The following ICA1 variants were observed in gnomAD, a reference collection of about 807,000 sequenced individuals.
ICA1 encodes 69 kDa islet cell autoantigen.
A neutral mutation model predicts 71.0 loss-of-function variants in ICA1; 40 were observed. The ratio of observed to expected loss-of-function variants is 0.56; its 90% CI spans 0.44 to 0.73. ICA1 has a LOEUF of 0.73. Ranked by LOEUF, ICA1 falls within the 30% of genes least tolerant of loss-of-function variation. ICA1 has a pLI of 0.00. For synonymous variants in ICA1, 207 were observed against 209.5 expected (o/e 0.99, Z 0.10); for missense variants, 578 against 576.5 (o/e 1.00, Z -0.03).
intron 8 of ICA1, among the ~76,000 whole-genome samples, chr7:8,153,903 T>C (rs904153912): frequency 2.0e-5 from 3 of 149,662 alleles, no homozygotes; most frequent in Non-Finnish European, 4.4e-5. Context: ...TGTGTGAAAA[T>C]ACAAGATCAG....
intron 1 of ICA1, among the ~76,000 whole-genome samples, chr7:8,240,085 C>G (rs1270818837): frequency 1.3e-5 from 2 of 152,202 alleles, no homozygotes; most frequent in African/African-American, 4.8e-5. Context: ...GACAGACTGC[C>G]TCCTCAAGTA....
At chr7:8,202,935 A>G (rs985207212) in intron 6 of ICA1, among the ~76,000 whole-genome samples, 2 of 152,246 alleles carry the variant, frequency 1.3e-5, no homozygotes, top group African/African-American at 4.8e-5. Flanking sequence ...TTTAACATGC[A>G]TATCAGGACA....
chr7:8,139,194 G>A, intron 10 of ICA1, 147 bp from the exon 11 acceptor site: 1 of 610,394 alleles, frequency 1.6e-6, no homozygotes, highest in Non-Finnish European at 2.9e-6. Context: ...AGATTACACT[G>A]GACTCCTGCT....
intron 6 of ICA1, among the ~76,000 whole-genome samples, chr7:8,177,766 T>C (rs574338404): frequency 3.3e-5 from 5 of 152,310 alleles, no homozygotes; most frequent in South Asian, 2.1e-4. Context: ...GTGAACTGAA[T>C]TGCAGAAAGT....
At chr7:8,213,006 C>T (rs574517250) in intron 6 of ICA1, among the ~76,000 whole-genome samples, 1 of 152,270 alleles carries the variant, frequency 6.6e-6, no homozygotes, top group African/African-American at 2.4e-5. Flanking sequence ...GCTTTTCCTT[C>T]GGCATTCACA....
intron 8 of ICA1, among the ~76,000 whole-genome samples, chr7:8,154,862 T>C (rs1800943666): frequency 6.6e-6 from 1 of 152,168 alleles, no homozygotes; most frequent in African/African-American, 2.4e-5. Context: ...ATATGCAACA[T>C]ACTTATATCG....
Position 8,123,246 on chromosome 7 carries a change from G to T in ICA1, c.1330+4627C>A, listed in dbSNP as rs1313583058. Among the ~76,000 whole-genome samples the T allele has an allele frequency of 6.6e-6, 1 of 152,218 alleles. No individual in the cohort carries two copies. The highest frequency in any genetic ancestry group is 1.5e-5 in the Non-Finnish European group (1 of 68,040). The stretch of plus-strand genomic sequence containing the variant: ...AGTAGGGGGAAAAGAGGATATCATT[G>T]TTCTCCAAATCCCCCTTCCTCTCCA... On this transcript the variant is annotated intron_variant, in intron 13 of 13. Transcript: ENST00000402384. The surrounding 1 kb of genome is among the most constrained non-coding windows in gnomAD (Gnocchi z 4.1).
chr7:8,142,068 T>C, intron 9 of ICA1: 1 of 1,341,200 alleles, frequency 7.5e-7, no homozygotes, highest in Non-Finnish European at 1.0e-6. Flanking sequence ...AGATGGGCAG[T>C]TAGATATAAA....
At chr7:8,157,378 C>T in intron 7 of ICA1, 164 bp from the exon 8 acceptor site, 1 of 681,014 alleles carries the variant, frequency 1.5e-6, no homozygotes, top group Non-Finnish European at 2.3e-6. Flanking sequence ...GTATTTCAGC[C>T]AAACTAAATG....
intron 6 of ICA1, among the ~76,000 whole-genome samples, chr7:8,161,628 C>G (rs1803843942): frequency 6.6e-6 from 1 of 152,206 alleles, no homozygotes; most frequent in African/African-American, 2.4e-5. Flanking sequence ...GGCTGACCAG[C>G]TGGAGGGGGG....
intron 13 of ICA1, chr7:8,116,336 A>AGTCGCTCTC (rs1784790462): frequency 1.3e-5 from 2 of 152,270 alleles, no homozygotes; most frequent in East Asian, 3.9e-4. Flanking sequence ...TAATATTCAA[A>AGTCGCTCTC]ACCAGAGCAT....
intron 6 of ICA1, among the ~76,000 whole-genome samples, chr7:8,214,096 C>A (rs1020769777): frequency 5.3e-5 from 8 of 152,162 alleles, no homozygotes; most frequent in Non-Finnish European, 1.0e-4. Context: ...CCTATAAATG[C>A]CCACGTATAC....
chr7:8,159,151 G>T (rs1802771224), intron 6 of ICA1, among the ~76,000 whole-genome samples: 1 of 152,172 alleles, frequency 6.6e-6, no homozygotes, highest in Non-Finnish European at 1.5e-5. Context: ...GATTTCACCA[G>T]TTTTCCCACT....
chr7:8,166,572 C>G (rs963123904), intron 6 of ICA1, among the ~76,000 whole-genome samples: 37 of 152,212 alleles, frequency 2.4e-4, no homozygotes, highest in African/African-American at 8.7e-4. Context: ...CCATTCTGGA[C>G]TAGGACCTAA....
At chr7:8,209,690 C>A (rs1266165005) in intron 6 of ICA1, among the ~76,000 whole-genome samples, 2 of 152,084 alleles carry the variant, frequency 1.3e-5, no homozygotes, top group Admixed American at 6.5e-5. Context: ...GTATAAAGTG[C>A]AACAGGAACA....
intron 1 of ICA1, among the ~76,000 whole-genome samples, chr7:8,242,521 C>G (rs1414853869): frequency 3.9e-5 from 6 of 152,050 alleles, no homozygotes; most frequent in Non-Finnish European, 2.9e-5. Context: ...GAAGCAAGAG[C>G]AAACAAATTC....
At chr7:8,247,059 T>A (rs1467466502) in intron 1 of ICA1, among the ~76,000 whole-genome samples, 1 of 152,076 alleles carries the variant, frequency 6.6e-6, no homozygotes, top group Non-Finnish European at 1.5e-5. Context: ...CCTTTTCATA[T>A]ATGCTTGCTG....
At chr7:8,201,000 T>C (rs2128330356) in intron 6 of ICA1, among the ~76,000 whole-genome samples, 1 of 152,224 alleles carries the variant, frequency 6.6e-6, no homozygotes, top group East Asian at 1.9e-4. Context: ...TCATTTACTT[T>C]AGTGGTCAAT....
chr7:8,237,672 A>T (rs1802279126), intron 1 of ICA1, among the ~76,000 whole-genome samples: 1 of 152,168 alleles, frequency 6.6e-6, no homozygotes, highest in Non-Finnish European at 1.5e-5. Context: ...TACCTCATAA[A>T]AATGCAAACA....
Sources: gnomAD v4.1 joint callset for allele counts (sites outside exome capture counted in the v4.1 genomes callset) on GRCh38, gnomAD v4.1.1 for gene constraint, Gnocchi (gnomAD v3.1) non-coding constraint, MANE v1.5 for transcripts, NCBI Gene and HGNC (gene_info 2026-07-23, HGNC 2026-07-21) for gene names.